Variants in SPTBN1 observed in about 807,000 individuals in gnomAD.
SPTBN1 encodes the protein spectrin beta chain, non-erythrocytic 1.
In SPTBN1, 32 loss-of-function variants were observed where a neutral mutation model predicts 266.4. That is an observed-to-expected ratio of 0.12 (90% CI 0.09 to 0.16). The LOEUF (loss-of-function observed/expected upper bound fraction) is 0.16. SPTBN1 is among the 10% of genes least tolerant of loss of function. The probability of loss-of-function intolerance (pLI) is 1.00; values close to 1 mark genes in which losing one functional copy is unlikely to be tolerated. For missense variants in SPTBN1, 2,296 were observed against 3,067.1 expected (o/e 0.75, Z 5.94); for synonymous variants, 1,336 against 1,162.2 (o/e 1.15, Z -3.04).
intron 2 of SPTBN1, among the ~76,000 whole-genome samples, chr2:54,580,747 G>A (rs1674838583): frequency 6.6e-6 from 1 of 152,068 alleles, no homozygotes; most frequent in African/African-American, 2.4e-5. Context: ...GAGCCAATAT[G>A]AGAGACACAC....
Position 54,646,387 on chromosome 2 carries a change from G to A in SPTBN1, c.4778G>A (p.Arg1593Lys), listed in dbSNP as rs375275938. The change falls in exon 23 of 36, where the codon AGG becomes AAG. Residue 1593 changes from arginine (R) to lysine (K), a missense_variant. Coordinates refer to ENST00000356805, the MANE Select transcript of SPTBN1 (RefSeq NM_003128.3). The surrounding 1 kb of genome is among the most constrained non-coding windows in gnomAD (Gnocchi z 4.4). ...KRHRRLEEAH[R>K]AQQYYFDAAE... ...CACAGGCGGCTGGAGGAGGCGCACAGGGCCCAGCAGTACTACTTTGACGCT... is the reference window on the plus strand; with the variant it reads ...CACAGGCGGCTGGAGGAGGCGCACAAGGCCCAGCAGTACTACTTTGACGCT... 35 of 1,612,280 alleles carry A rather than the reference G, an allele frequency of 2.2e-5. No homozygotes were observed. Among genetic ancestry groups the A allele is most frequent in the Admixed American group, 1.3e-4 (8 of 59,574 alleles).
intron 17 of SPTBN1, among the ~76,000 whole-genome samples, chr2:54,634,033 C>A (rs1678944667): frequency 6.6e-6 from 1 of 152,180 alleles, no homozygotes; most frequent in Non-Finnish European, 1.5e-5. Flanking sequence ...TGAGAAACAG[C>A]AATTGGGCAA....
rs1228518107 is a variant in SPTBN1, at chr2:54,646,777, C to G, written c.4866+302C>G. Among the ~76,000 whole-genome samples the G allele has an allele frequency of 6.6e-6, 1 of 152,178 alleles. No homozygotes were observed. The highest frequency in any genetic ancestry group is 1.5e-5 in the Non-Finnish European group (1 of 68,024). The stretch of plus-strand genomic sequence containing the variant: ...CTAAACTTTACAAAATACAGGATGG[C>G]TTGGAGACAATTTGAAAGTATTGCA... On this transcript the variant is annotated intron_variant, in intron 23 of 35. Transcript: ENST00000356805. This position sits in a 1 kb window ranked among gnomAD's most constrained non-coding sequence, Gnocchi z 4.4.
At chr2:54,579,887 A>G (rs1442545259) in intron 2 of SPTBN1, among the ~76,000 whole-genome samples, 2 of 152,250 alleles carry the variant, frequency 1.3e-5, no homozygotes, top group Non-Finnish European at 2.9e-5. Context: ...CTTTGGAAAC[A>G]GGTTATAAAC....
At chr2:54,569,184 G>T (rs1238868848) in intron 2 of SPTBN1, among the ~76,000 whole-genome samples, 1 of 152,170 alleles carries the variant, frequency 6.6e-6, no homozygotes. Flanking sequence ...GGAACGGGGT[G>T]GGGGAGATAA....
At chr2:54,537,554 G>A (rs1034688259) in intron 2 of SPTBN1, among the ~76,000 whole-genome samples, 3 of 152,220 alleles carry the variant, frequency 2.0e-5, no homozygotes, top group Admixed American at 2.0e-4. Context: ...GAAGAATTGT[G>A]GTGGGGTGGA....
intron 32 of SPTBN1, chr2:54,660,235 T>A: frequency 2.2e-6 from 3 of 1,391,588 alleles, no homozygotes; most frequent in African/African-American, 1.4e-5. Context: ...CATGTTTGAG[T>A]CTCTTAACTG....
At chr2:54,508,185 T>C (rs1189872822) in intron 1 of SPTBN1, among the ~76,000 whole-genome samples, 1 of 152,066 alleles carries the variant, frequency 6.6e-6, no homozygotes, top group Non-Finnish European at 1.5e-5. Flanking sequence ...TATCGGACTG[T>C]ATAGAGGTGA....
intron 2 of SPTBN1, chr2:54,529,597 G>C (rs928747962): frequency 1.4e-6 from 1 of 722,488 alleles, no homozygotes; most frequent in Non-Finnish European, 2.6e-6. Context: ...TGACCACTGA[G>C]TTTGCCATGA....
At chr2:54,620,578 G>A (rs1677927546) in intron 7 of SPTBN1, among the ~76,000 whole-genome samples, 1 of 152,210 alleles carries the variant, frequency 6.6e-6, no homozygotes, top group Non-Finnish European at 1.5e-5. Flanking sequence ...GAGCCCAGGA[G>A]TTTGAGGCTG....
intron 35 of SPTBN1, 105 bp from the exon 36 acceptor site, chr2:54,668,246 T>C: frequency 9.4e-7 from 1 of 1,061,778 alleles, no homozygotes; most frequent in Non-Finnish European, 1.4e-6. Flanking sequence ...GAAGTGACTC[T>C]GCTTACCCCT....
In SPTBN1 at chr2:54,617,512, A is replaced by G. The variant is rs2271325; in HGVS notation, c.567-96A>G. ...GATATTCACTGCTTTAGGTTTTACA[A>G]TGCTTACAGACTTTTTATTAACAAA... is the stretch of plus-strand genomic sequence containing the variant. On this transcript the variant is annotated intron_variant, in intron 5 of 35. Coordinates refer to ENST00000356805, the MANE Select transcript of SPTBN1 (RefSeq NM_003128.3). 472 of 1,113,534 alleles carry G rather than the reference A, an allele frequency of 4.2e-4. 8 individuals carry two copies. The East Asian group carries it at 0.011, about 26-fold the overall frequency. 69.0% of individuals were successfully genotyped at this position (1,113,534 alleles called of 1,614,324 possible).
At chr2:54,637,272 C>G (rs746967858) in intron 17 of SPTBN1, among the ~76,000 whole-genome samples, 3 of 151,920 alleles carry the variant, frequency 2.0e-5, no homozygotes, top group Non-Finnish European at 2.9e-5. Flanking sequence ...ATGAGAAACT[C>G]TTTATCAGGA....
At chr2:54,512,523 A>G (rs914264974) in intron 1 of SPTBN1, among the ~76,000 whole-genome samples, 2 of 152,238 alleles carry the variant, frequency 1.3e-5, no homozygotes, top group African/African-American at 4.8e-5. Flanking sequence ...ACAAAGAGAA[A>G]TGATCTTAAA....
At chr2:54,544,574 G>A (rs1672125818) in intron 2 of SPTBN1, among the ~76,000 whole-genome samples, 1 of 152,060 alleles carries the variant, frequency 6.6e-6, no homozygotes, top group Non-Finnish European at 1.5e-5. Context: ...TCAAGCACAA[G>A]AGATACACAT....
intron 7 of SPTBN1, among the ~76,000 whole-genome samples, chr2:54,619,361 TG>T (rs974131704): frequency 6.6e-6 from 1 of 152,228 alleles, no homozygotes; most frequent in African/African-American, 2.4e-5. Flanking sequence ...TATCTTACTA[TG>T]GGAAGGAATT....
At chr2:54,638,820 AC>A (rs1679335925) in intron 18 of SPTBN1, among the ~76,000 whole-genome samples, 2 of 152,258 alleles carry the variant, frequency 1.3e-5, no homozygotes, top group South Asian at 4.1e-4. Flanking sequence ...CGCTGGGAAT[AC>A]AACTTCAATC....
chr2:54,652,477 C>T (rs942416395), intron 26 of SPTBN1: 1 of 152,184 alleles, frequency 6.6e-6, no homozygotes, highest in Non-Finnish European at 1.5e-5. Flanking sequence ...ATTAATTTAA[C>T]CAGTCCTTCA....
At chr2:54,549,162 G>A (rs56275380) in intron 2 of SPTBN1, among the ~76,000 whole-genome samples, 1,539 of 152,002 alleles carry the variant, frequency 0.01, 31 homozygotes, top group African/African-American at 0.035. Flanking sequence ...GGTGGTGCGC[G>A]CCTGTAATCC....
Sources: allele counts gnomAD v4.1 joint callset (sites outside exome capture counted in the v4.1 genomes callset), GRCh38; gene constraint gnomAD v4.1.1; non-coding constraint Gnocchi (gnomAD v3.1); transcripts MANE v1.5; gene names NCBI Gene and HGNC (gene_info 2026-07-23, HGNC 2026-07-21).